Variants in FAM53A observed in about 807,000 individuals in gnomAD.
FAM53A encodes the protein protein FAM53A.
A neutral mutation model predicts 26.6 loss-of-function variants in FAM53A; 28 were observed. The ratio of observed to expected loss-of-function variants is 1.05; its 90% CI spans 0.78 to 1.45. The LOEUF is 1.45. Among genes scored for constraint, FAM53A ranks in the 40% most tolerant of loss-of-function variants. FAM53A has a pLI of 0.00. For missense variants in FAM53A, 650 were observed against 575.8 expected, an observed-to-expected ratio of 1.13 and a Z score of -1.32; for synonymous variants, 290 against 253.1, an observed-to-expected ratio of 1.15 and a Z score of -1.38.
intron 1 of FAM53A, among the ~76,000 whole-genome samples, chr4:1,669,440 G>A (rs1159848922): frequency 6.6e-6 from 1 of 152,196 alleles, no homozygotes; most frequent in Non-Finnish European, 1.5e-5. Context: ...GGGCTCAGGG[G>A]GTCTTTCAGG....
the FAM53A span, among the ~76,000 whole-genome samples, chr4:1,607,968 C>T: frequency 1.3e-5 from 2 of 150,370 alleles, no homozygotes; most frequent in Admixed American, 6.6e-5. Context: ...CAAAAGTAGC[C>T]GGATGTGGTA....
At chr4:1,658,298 G>C (rs1713565780) in intron 2 of FAM53A, among the ~76,000 whole-genome samples, 1 of 152,136 alleles carries the variant, frequency 6.6e-6, no homozygotes, top group Non-Finnish European at 1.5e-5. Context: ...GGAATTACAG[G>C]TGTGAGCCAC....
chr4:1,634,684 G>T lies in FAM53A; in HGVS notation c.432-16573C>A, dbSNP rs370401510. Among the ~76,000 whole-genome samples the T allele has an allele frequency of 9.9e-5, 15 of 151,956 alleles. No homozygotes were observed. The East Asian group carries it at 2.9e-3, about 29-fold the overall frequency. ...AGGCCAAGGTGGGTGGATCACCTGA[G>T]GTCAGGAGTTCAAGACCAGCCTGGC... On this transcript the variant is annotated intron_variant, in intron 1 of 1. Coordinates refer to the FAM53A transcript ENST00000489029.
At chr4:1,677,033 T>TCC (rs1715090596) in intron 1 of FAM53A, among the ~76,000 whole-genome samples, 5 of 152,206 alleles carry the variant, frequency 3.3e-5, no homozygotes, top group Admixed American at 1.3e-4. Context: ...GCTCCTGGAG[T>TCC]CCCACCTTGT....
At chr4:1,604,149 G>T in the FAM53A span, among the ~76,000 whole-genome samples, 26 of 152,350 alleles carry the variant, frequency 1.7e-4, no homozygotes, top group African/African-American at 6.3e-4. Context: ...CCCGAGGAAA[G>T]GTTCTGCCCC....
the FAM53A span, among the ~76,000 whole-genome samples, chr4:1,594,375 A>C: frequency 1.3e-5 from 2 of 151,894 alleles, no homozygotes; most frequent in African/African-American, 4.8e-5. Context: ...GGATCTAACA[A>C]TCCCCAGCCT....
intron 4 of FAM53A, among the ~76,000 whole-genome samples, chr4:1,647,944 G>A (rs140355509): frequency 1.5e-4 from 23 of 152,162 alleles, no homozygotes; most frequent in African/African-American, 4.1e-4. Context: ...GCCTGGTGGC[G>A]CACGCCTGCA....
At chr4:1,643,517 T>C (rs1460236663) in intron 4 of FAM53A, among the ~76,000 whole-genome samples, 3 of 151,894 alleles carry the variant, frequency 2.0e-5, no homozygotes, top group Non-Finnish European at 4.4e-5. Context: ...TCTGTCTTTG[T>C]GGTTCTACTA....
chr4:1,659,212 C>T lies in FAM53A; in HGVS notation c.76-1744G>A, dbSNP rs894299930. On this transcript the variant is annotated intron_variant, in intron 2 of 4. Coordinates refer to ENST00000308132, the MANE Select transcript of FAM53A (RefSeq NM_001174070.3). This position sits in a 1 kb window ranked among gnomAD's most constrained non-coding sequence, Gnocchi z 5.2. ...TGGTGCGGGCCCGGGAACCACACGA[C>T]CTCCAGGTTCTCCCACCCCGGGACC... Among the ~76,000 whole-genome samples, 1 of 152,208 alleles carries T rather than the reference C, an allele frequency of 6.6e-6. No individual in the cohort carries two copies. Among genetic ancestry groups the T allele is most frequent in the Non-Finnish European group, 1.5e-5 (1 of 68,026 alleles).
chr4:1,663,846 A>AG (rs1714033097), intron 2 of FAM53A, among the ~76,000 whole-genome samples: 1 of 152,244 alleles, frequency 6.6e-6, no homozygotes, highest in East Asian at 1.9e-4. Flanking sequence ...TCTTTAAAAA[A>AG]AAAAAAAAAA....
intron 4 of FAM53A, among the ~76,000 whole-genome samples, chr4:1,652,180 ACAC>A (rs1712881639): frequency 7.1e-6 from 1 of 140,928 alleles, no homozygotes; most frequent in Non-Finnish European, 1.5e-5. Context: ...CACGCCACAC[ACAC>A]CATACACGCC....
the FAM53A span, among the ~76,000 whole-genome samples, chr4:1,599,515 C>T: frequency 6.6e-6 from 1 of 152,154 alleles, no homozygotes; most frequent in African/African-American, 2.4e-5. This position sits in a 1 kb window ranked among gnomAD's most constrained non-coding sequence, Gnocchi z 6.1. Context: ...GGGAGGCGTG[C>T]GGCCTCGTCA....
chr4:1,674,069 CA>C (rs1274691384), intron 1 of FAM53A, among the ~76,000 whole-genome samples: 1 of 152,234 alleles, frequency 6.6e-6, no homozygotes, highest in Non-Finnish European at 1.5e-5. Flanking sequence ...GAGTGGGCTT[CA>C]AACAACAAAA....
At chr4:1,618,122 G>A (rs1714875371) in intron 1 of FAM53A, 3 of 456,384 alleles carry the variant, frequency 6.6e-6, no homozygotes, top group Non-Finnish European at 1.3e-5. Flanking sequence ...CTGGAAGGAA[G>A]ACAGAGGCAG....
chr4:1,682,987 A>C (rs542288596), intron 1 of FAM53A, among the ~76,000 whole-genome samples: 17 of 152,210 alleles, frequency 1.1e-4, no homozygotes, highest in Non-Finnish European at 1.9e-4. Context: ...TGCAGAATCA[A>C]AAGCTCTAAG....
intron 1 of FAM53A, among the ~76,000 whole-genome samples, chr4:1,626,305 G>A (rs56066520): frequency 0.21 from 31,329 of 152,206 alleles, 3,834 homozygotes; most frequent in Non-Finnish European, 0.28. Context: ...GTCACGAGCC[G>A]TCCACGTGGG....
At chr4:1,583,721 T>C in the FAM53A span, among the ~76,000 whole-genome samples, 1 of 152,222 alleles carries the variant, frequency 6.6e-6, no homozygotes, top group Non-Finnish European at 1.5e-5. Context: ...ATTGAAGCGT[T>C]AGTGTCGTTC....
chr4:1,644,264 T>C, intron 4 of FAM53A: 1 of 1,536,002 alleles, frequency 6.5e-7, no homozygotes, highest in Non-Finnish European at 8.7e-7. Context: ...CTGGACTGAC[T>C]GCTCGGACCC....
At chr4:1,578,627 C>T in the FAM53A span, among the ~76,000 whole-genome samples, 1 of 150,758 alleles carries the variant, frequency 6.6e-6, no homozygotes, top group African/African-American at 2.4e-5. Context: ...AAGCGCCCTG[C>T]CCTCCACGCC....
Sources: gnomAD v4.1 joint callset for allele counts (sites outside exome capture counted in the v4.1 genomes callset) on GRCh38, gnomAD v4.1.1 for gene constraint, Gnocchi (gnomAD v3.1) non-coding constraint, MANE v1.5 for transcripts, NCBI Gene and HGNC (gene_info 2026-07-23, HGNC 2026-07-21) for gene names.